ATP13A4: variants seen among roughly 807,000 people sequenced by gnomAD.
The protein encoded by ATP13A4 is ATPase 13A4, also known as probable cation-transporting ATPase 13A4.
In ATP13A4, 114 loss-of-function variants were observed where a neutral mutation model predicts 142.5. That is an observed-to-expected ratio of 0.80 (90% CI 0.69 to 0.93). The LOEUF is 0.93. Ranked by LOEUF, ATP13A4 falls within the 40% of genes least tolerant of loss-of-function variation. The pLI is 0.00. For missense variants in ATP13A4, 1,392 were observed against 1,454.0 expected, an observed-to-expected ratio of 0.96 and a Z score of 0.69; for synonymous variants, 488 against 514.8, an observed-to-expected ratio of 0.95 and a Z score of 0.70.
intron 3 of ATP13A4, among the ~76,000 whole-genome samples, chr3:193,496,226 A>C (rs1351473964): frequency 6.6e-6 from 1 of 152,236 alleles, no homozygotes; most frequent in Non-Finnish European, 1.5e-5. Context: ...AAACAATCCT[A>C]AAATTTGTAT....
chr3:193,444,883 C>T (rs546856092), intron 18 of ATP13A4, among the ~76,000 whole-genome samples: 1 of 152,178 alleles, frequency 6.6e-6, no homozygotes, highest in African/African-American at 2.4e-5. Flanking sequence ...TACAGGGAGC[C>T]CTGAGCGCTC....
intron 7 of ATP13A4, among the ~76,000 whole-genome samples, chr3:193,487,502 G>C (rs1225328414): frequency 6.6e-6 from 1 of 152,140 alleles, no homozygotes; most frequent in East Asian, 1.9e-4. Context: ...TACATAGAGA[G>C]ACGAGGTCTC....
upstream of ATP13A4, among the ~76,000 whole-genome samples, chr3:193,559,178 G>A (rs1560282789): frequency 6.6e-6 from 1 of 152,142 alleles, no homozygotes; most frequent in Non-Finnish European, 1.5e-5. Context: ...TACAAATATT[G>A]TTTTTTGCAA....
chr3:193,554,054 T>C (rs888173564), intron 1 of ATP13A4, among the ~76,000 whole-genome samples: 5 of 152,200 alleles, frequency 3.3e-5, no homozygotes, highest in African/African-American at 1.2e-4. Flanking sequence ...AATTGAGAAA[T>C]ACAGTTTTAA....
chr3:193,412,094 TA>T, intron 27 of ATP13A4, 83 bp downstream of exon 27: 1 of 1,272,314 alleles, frequency 7.9e-7, no homozygotes, highest in Non-Finnish European at 1.1e-6. Flanking sequence ...GAATCAACTC[TA>T]AAGCTGTTCC....
At chr3:193,546,466 T>A (rs977578179) in intron 1 of ATP13A4, among the ~76,000 whole-genome samples, 8 of 152,226 alleles carry the variant, frequency 5.3e-5, no homozygotes, top group Non-Finnish European at 1.2e-4. Flanking sequence ...CAATACTTGT[T>A]GTCTCAGTGA....
chr3:193,580,192 T>C (rs1393851093), intron 2 of ATP13A4, among the ~76,000 whole-genome samples: 3 of 152,182 alleles, frequency 2.0e-5, no homozygotes, highest in Admixed American at 6.5e-5. Context: ...CCTGCTGATA[T>C]AGCCTGGTAA....
chr3:193,497,839 T>C (rs115092394), intron 3 of ATP13A4, among the ~76,000 whole-genome samples: 131 of 152,264 alleles, frequency 8.6e-4, no homozygotes, highest in African/African-American at 3.1e-3. Flanking sequence ...CTGTAGGATC[T>C]TACTCATTTG....
rs533004586 is a variant in ATP13A4, at chr3:193,538,582, A to G, written c.60+16158T>C. 2.6e-5 allele frequency among the ~76,000 whole-genome samples: 4 copies of G among 151,992 alleles called. No homozygotes were observed. The South Asian group carries it at 8.3e-4, about 32-fold the overall frequency. On this transcript the variant is annotated intron_variant, in intron 1 of 29. Transcript: ENST00000342695. ...TTGACTTCACTGACAGCCTGTGCAA[A>G]TCCTTCAATGCCACTCAGCCCAGGC...
chr3:193,564,214 T>C (rs281809), intron 2 of ATP13A4, among the ~76,000 whole-genome samples: 108,273 of 152,164 alleles, frequency 0.71, 38,714 homozygotes, highest in African/African-American at 0.76. Flanking sequence ...GTGGCTGCCA[T>C]CTACAGGCCT....
chr3:193,514,723 G>A lies in ATP13A4; in HGVS notation c.209C>T (p.Ala70Val), dbSNP rs1721316595. Residue 70 changes from alanine to valine, a missense_variant, in exon 2 of 30, where the codon GCA becomes GTA. Coordinates refer to ENST00000342695, the MANE Select transcript of ATP13A4 (RefSeq NM_032279.4). ...AHCVPCSLQE[A>V]DTVLLRTTDE... ...CGTTGTCCTCAGCAACACAGTGTCT[G>A]CTTCTTGCAAGGAACATGGGACACA... 1 of 1,614,072 alleles carries A rather than the reference G, an allele frequency of 6.2e-7. No homozygotes were observed. The highest frequency in any genetic ancestry group is 8.5e-7 in the Non-Finnish European group (1 of 1,180,038).
chr3:193,401,814 A>G lies in ATP13A4; in HGVS notation c.*838T>C, dbSNP rs1344149842. Among the ~76,000 whole-genome samples the G allele has an allele frequency of 6.6e-6, 1 of 152,352 alleles. No individual in the cohort carries two copies. The highest frequency in any genetic ancestry group is 6.5e-5 in the Admixed American group (1 of 15,302). On this transcript the variant is annotated 3_prime_UTR_variant, in exon 30 of 30. Coordinates refer to ENST00000342695, the MANE Select transcript of ATP13A4 (RefSeq NM_032279.4). ...AAGCCCATGAAGCATCCCTAAACAC[A>G]GGAGACTGCACTTTCCAGCTCCCTG... is the stretch of plus-strand genomic sequence containing the variant.
At chr3:193,517,328 G>T (rs1721470017) in intron 1 of ATP13A4, among the ~76,000 whole-genome samples, 1 of 152,140 alleles carries the variant, frequency 6.6e-6, no homozygotes, top group Non-Finnish European at 1.5e-5. Context: ...GATTAAACAA[G>T]GTTAGAGCAA....
chr3:193,536,065 A>G lies in ATP13A4; in HGVS notation c.60+18675T>C, dbSNP rs74726693. 5.9e-3 allele frequency among the ~76,000 whole-genome samples: 905 copies of G among 152,188 alleles called. 9 individuals carry two copies. Among genetic ancestry groups the G allele is most frequent in the African/African-American group, 0.021 (870 of 41,578 alleles). On this transcript the variant is annotated intron_variant, in intron 1 of 29. Transcript: ENST00000342695. ...AAAAAGTCTACCAAACATTGAAAGAAAAAATAATATTATTAGTATGCAATC... is the reference window on the plus strand; with the variant it reads ...AAAAAGTCTACCAAACATTGAAAGAGAAAATAATATTATTAGTATGCAATC...
intron 7 of ATP13A4, among the ~76,000 whole-genome samples, chr3:193,486,080 A>G (rs1719599957): frequency 6.7e-6 from 1 of 149,864 alleles, no homozygotes; most frequent in African/African-American, 2.4e-5. Flanking sequence ...TGTTATTATT[A>G]TTTTAAATTA....
chr3:193,573,271 A>ATACATATATATATTTG, intron 2 of ATP13A4, among the ~76,000 whole-genome samples: 1 of 93,576 alleles, frequency 1.1e-5, no homozygotes, highest in East Asian at 2.7e-4. Flanking sequence ...ATATATATAT[A>ATACATATATATATTTG]TATACATATA....
At chr3:193,435,479 ATCTG>A (rs1716213227) in intron 24 of ATP13A4, among the ~76,000 whole-genome samples, 165 bp downstream of exon 24, 2 of 152,142 alleles carry the variant, frequency 1.3e-5, no homozygotes, top group African/African-American at 4.8e-5. Context: ...TCCTGTACAA[ATCTG>A]TCTATTTGTG....
At chr3:193,423,788 G>T (rs1158428025) in intron 25 of ATP13A4, among the ~76,000 whole-genome samples, 4 of 149,038 alleles carry the variant, frequency 2.7e-5, no homozygotes, top group African/African-American at 7.4e-5. Context: ...GCCCACTTTT[G>T]CCACTTCTAT....
intron 2 of ATP13A4, among the ~76,000 whole-genome samples, chr3:193,511,616 C>CAATGCATTTTACAGTTTGCA (rs1721144799): frequency 6.6e-6 from 1 of 152,226 alleles, no homozygotes; most frequent in Non-Finnish European, 1.5e-5. Context: ...TGGTGTTTGA[C>CAATGCATTTTACAGTTTGCA]AATGCATTTT....
Sources: allele counts gnomAD v4.1 joint callset (sites outside exome capture counted in the v4.1 genomes callset), GRCh38; gene constraint gnomAD v4.1.1; transcripts MANE v1.5; gene names NCBI Gene and HGNC (gene_info 2026-07-23, HGNC 2026-07-21).